KANK1: variants seen among roughly 807,000 people sequenced by gnomAD.
KANK1 encodes KN motif and ankyrin repeat domain-containing protein 1.
A neutral mutation model predicts 106.2 loss-of-function variants in KANK1; 109 were observed. That is an observed-to-expected ratio of 1.03 (90% confidence interval 0.88 to 1.20). The LOEUF is 1.20. Ranked by LOEUF, KANK1 falls within the 50% of genes most tolerant of loss-of-function variation. The probability of loss-of-function intolerance (pLI) is 0.00; values close to 1 mark genes in which losing one functional copy is unlikely to be tolerated. For missense variants in KANK1, 2,399 were observed against 1,710.7 expected, an observed-to-expected ratio of 1.40 and a Z score of -7.10; for synonymous variants, 873 against 652.2, an observed-to-expected ratio of 1.34 and a Z score of -5.16.
intron 1 of KANK1, among the ~76,000 whole-genome samples, chr9:617,954 G>A (rs1203633897): frequency 6.6e-6 from 1 of 152,154 alleles, no homozygotes; most frequent in Non-Finnish European, 1.5e-5. Context: ...TAACATTTAT[G>A]GAACCACTCT....
intron 1 of KANK1, among the ~76,000 whole-genome samples, chr9:566,517 C>T (rs1027865777): frequency 3.9e-5 from 6 of 152,152 alleles, no homozygotes; most frequent in Non-Finnish European, 8.8e-5. Context: ...CTCGCCAGCA[C>T]CTGTTATGTT....
intron 1 of KANK1, among the ~76,000 whole-genome samples, chr9:608,966 C>G (rs563506178): frequency 6.6e-6 from 1 of 152,284 alleles, no homozygotes; most frequent in African/African-American, 2.4e-5. Flanking sequence ...TATACTCACG[C>G]TTGTTGTTAG....
At position 686,178 on chromosome 9, in the gene KANK1, G is replaced by C. The variant is rs921494270; in HGVS notation, c.37+9169G>C. Among the ~76,000 whole-genome samples the C allele has an allele frequency of 3.3e-5, 5 of 152,100 alleles. No individual in the cohort carries two copies. The South Asian group carries it at 6.2e-4, about 19-fold the overall frequency. On this transcript the variant is annotated intron_variant, in intron 2 of 11. Coordinates refer to ENST00000382297, the MANE Select transcript of KANK1 (RefSeq NM_015158.5). ...CCAGAAAAAAGTTCTCTCTTCCTCT[G>C]TTCTCAGTATCCCCCTCATGTAAGT...
intron 2 of KANK1, among the ~76,000 whole-genome samples, chr9:704,992 C>CAAAAAAAAA (rs71314728): frequency 1.9e-5 from 1 of 53,094 alleles, no homozygotes; most frequent in Non-Finnish European, 3.2e-5. Flanking sequence ...GACCCTGTCT[C>CAAAAAAAAA]AAAAAAAAAA....
At chr9:580,284 C>T (rs1285703069) in intron 1 of KANK1, among the ~76,000 whole-genome samples, 3 of 151,934 alleles carry the variant, frequency 2.0e-5, no homozygotes, top group East Asian at 1.9e-4. Flanking sequence ...TGCAGACCTT[C>T]CTGGTGTTAC....
intron 1 of KANK1, among the ~76,000 whole-genome samples, chr9:528,566 C>G (rs1005570067): frequency 2.2e-4 from 29 of 134,174 alleles, no homozygotes; most frequent in African/African-American, 7.6e-4. Context: ...ACTGCAGTCT[C>G]TGCCTTCTGG....
chr9:626,524 C>G (rs1338705694), intron 1 of KANK1, among the ~76,000 whole-genome samples: 1 of 152,122 alleles, frequency 6.6e-6, no homozygotes, highest in Non-Finnish European at 1.5e-5. Context: ...TCTGTGTTTT[C>G]TGTTTTGTTT....
chr9:482,023 T>A (rs1411671189), intron 3 of KANK1, among the ~76,000 whole-genome samples: 2 of 152,160 alleles, frequency 1.3e-5, no homozygotes, highest in Non-Finnish European at 2.9e-5. Context: ...TGTCACCTAT[T>A]CTGTTCTGAG....
Position 517,381 on chromosome 9 carries a change from C to T in KANK1, c.-84+12627C>T, listed in dbSNP as rs551822531. Among the ~76,000 whole-genome samples, 36 of 151,858 alleles carry T rather than the reference C, an allele frequency of 2.4e-4. 1 individual carries two copies. The East Asian group carries it at 2.7e-3, about 11-fold the overall frequency. ...CCTTCCAAAGTGCTAGGATCACAGGCGTGAGCCACTGCGGCCCGGCTGCAA... is the reference window on the plus strand; with the variant it reads ...CCTTCCAAAGTGCTAGGATCACAGGTGTGAGCCACTGCGGCCCGGCTGCAA... On this transcript the variant is annotated intron_variant, in intron 1 of 11. Coordinates refer to ENST00000382297, the MANE Select transcript of KANK1 (RefSeq NM_015158.5).
At chr9:701,363 C>G (rs186983064) in intron 2 of KANK1, among the ~76,000 whole-genome samples, 15 of 152,344 alleles carry the variant, frequency 9.8e-5, no homozygotes, top group Admixed American at 7.2e-4. Flanking sequence ...CTTGGCCTCC[C>G]AAAGTGCTGG....
intron 1 of KANK1, among the ~76,000 whole-genome samples, chr9:568,574 C>G (rs1818391681): frequency 6.6e-6 from 1 of 152,142 alleles, no homozygotes; most frequent in Non-Finnish European, 1.5e-5. Flanking sequence ...GCTTTAACCT[C>G]AAACTCCTGG....
chr9:742,286 G>A lies in KANK1; in HGVS notation c.3778G>A (p.Val1260Ile). The A allele has an allele frequency of 6.2e-7, 1 of 1,614,182 alleles. No individual in the cohort carries two copies. Among genetic ancestry groups the A allele is most frequent in the South Asian group, 1.1e-5 (1 of 91,084 alleles). The part of the protein sequence containing the change: ...VKGLLACGAD[V>I]NIQDDEGSTA... Reference sequence around the variant, plus strand: ...GGGCCTTCTGGCCTGTGGGGCTGATGTCAACATCCAGGATGACGAGGGCTC... The same window carrying A: ...GGGCCTTCTGGCCTGTGGGGCTGATATCAACATCCAGGATGACGAGGGCTC... The change falls in exon 10 of 12, where the codon GTC becomes ATC. Residue 1260 changes from valine to isoleucine, a missense_variant. Physicochemically the swap from Val to Ile is conservative, Grantham distance 29. Coordinates refer to ENST00000382297, the MANE Select transcript of KANK1 (RefSeq NM_015158.5).
Position 711,782 on chromosome 9 carries a change from G to A in KANK1, c.1016G>A (p.Arg339Gln), listed in dbSNP as rs761327126. The A allele has an allele frequency of 3.8e-5, 62 of 1,614,092 alleles. No individual in the cohort carries two copies. Among genetic ancestry groups the A allele is most frequent in the African/African-American group, 8.0e-5 (6 of 74,948 alleles). Residue 339 changes from arginine (R) to glutamine (Q), a missense_variant, in exon 3 of 12, where the codon CGA becomes CAA. Arg to Gln is a conservative substitution (Grantham distance 43). Transcript: ENST00000382297. ...ASQLEQLSRA[R>Q]RSGGELYIDY... ...CAGCTGGAACAGCTCTCCCGGGCCC[G>A]AAGAAGTGGCGGGGAATTATACATT...
chr9:705,481 T>C (rs548587821), intron 2 of KANK1, among the ~76,000 whole-genome samples: 39 of 152,288 alleles, frequency 2.6e-4, no homozygotes, highest in African/African-American at 8.9e-4. Context: ...TTATACTATA[T>C]ATTCAGTTAT....
At chr9:585,012 A>G (rs565806198) in intron 1 of KANK1, among the ~76,000 whole-genome samples, 11 of 152,082 alleles carry the variant, frequency 7.2e-5, no homozygotes, top group Admixed American at 3.3e-4. Flanking sequence ...CCCCTTCCTT[A>G]TTGTTAAACC....
intron 1 of KANK1, among the ~76,000 whole-genome samples, chr9:542,151 C>T (rs528128843): frequency 8.3e-6 from 1 of 119,812 alleles, no homozygotes; most frequent in East Asian, 3.6e-4. Flanking sequence ...TACAGATGAC[C>T]AACAGATACA....
chr9:739,022 A>G (rs1240605460), intron 8 of KANK1, among the ~76,000 whole-genome samples: 1 of 152,204 alleles, frequency 6.6e-6, no homozygotes, highest in Admixed American at 6.5e-5. Flanking sequence ...TCACCAAAAT[A>G]TACTGTTATT....
chr9:471,464 C>T (rs1393378565), intron 2 of KANK1: 1 of 152,176 alleles, frequency 6.6e-6, no homozygotes, highest in East Asian at 1.9e-4. Flanking sequence ...GATGACACTC[C>T]CAAGTCCATG....
intron 3 of KANK1, among the ~76,000 whole-genome samples, chr9:723,339 C>G (rs1484417382): frequency 6.6e-6 from 1 of 152,024 alleles, no homozygotes; most frequent in Non-Finnish European, 1.5e-5. Context: ...CTGGGTGACA[C>G]TATCTGGAAG....
Sources: gnomAD v4.1 joint callset for allele counts (sites outside exome capture counted in the v4.1 genomes callset) on GRCh38, gnomAD v4.1.1 for gene constraint, MANE v1.5 for transcripts, NCBI Gene and HGNC (gene_info 2026-07-23, HGNC 2026-07-21) for gene names.